Variants in HSPA4L observed in about 807,000 individuals in gnomAD.
The protein encoded by HSPA4L is heat shock 70 kDa protein 4L.
Under a neutral mutation model 100.3 loss-of-function variants are expected in HSPA4L, and 48 were observed. That is an observed-to-expected ratio of 0.48 (90% CI 0.38 to 0.61). The LOEUF (loss-of-function observed/expected upper bound fraction) is 0.61. Among genes scored for constraint, HSPA4L ranks in the 20% least tolerant of loss-of-function variants. HSPA4L has a pLI of 0.00. For missense variants in HSPA4L, 886 were observed against 988.6 expected, an observed-to-expected ratio of 0.90 and a Z score of 1.39; for synonymous variants, 319 against 328.2, an observed-to-expected ratio of 0.97 and a Z score of 0.30.
intron 3 of HSPA4L, among the ~76,000 whole-genome samples, chr4:127,798,358 A>G (rs1349842017): frequency 6.6e-6 from 1 of 152,186 alleles, no homozygotes; most frequent in Non-Finnish European, 1.5e-5. Flanking sequence ...ACTTTTGAAA[A>G]TACTTTGGTT....
At chr4:127,785,688 C>T (rs372286817) in intron 1 of HSPA4L, among the ~76,000 whole-genome samples, 9 of 152,202 alleles carry the variant, frequency 5.9e-5, no homozygotes, top group African/African-American at 1.4e-4. Flanking sequence ...CCACCCGCCT[C>T]GGCCTCCCAA....
At chr4:127,816,303 C>G (rs978761950) in intron 12 of HSPA4L, among the ~76,000 whole-genome samples, 1 of 152,158 alleles carries the variant, frequency 6.6e-6, no homozygotes, top group African/African-American at 2.4e-5. Context: ...GATAATATTT[C>G]TATAAACATC....
intron 1 of HSPA4L, 42 bp downstream of exon 1, chr4:127,782,699 T>C: frequency 1.4e-6 from 2 of 1,408,550 alleles, no homozygotes; most frequent in Non-Finnish European, 2.0e-6. Flanking sequence ...CTAAGAAACG[T>C]TTTTCTCTCC....
intron 12 of HSPA4L, among the ~76,000 whole-genome samples, chr4:127,812,265 C>G (rs1452259687): frequency 3.3e-5 from 5 of 151,676 alleles, no homozygotes; most frequent in Non-Finnish European, 7.4e-5. Flanking sequence ...AAAAATTAGC[C>G]GGGCGTGGTG....
intron 18 of HSPA4L, among the ~76,000 whole-genome samples, chr4:127,831,250 A>C (rs1434778700): frequency 4.6e-5 from 7 of 152,112 alleles, no homozygotes; most frequent in Non-Finnish European, 2.9e-5. Flanking sequence ...CTGTAATCCC[A>C]GCACTTTGGG....
chr4:127,811,313 A>ATGATCATATCCTGAT, intron 11 of HSPA4L, 124 bp from the exon 12 acceptor site: 2 of 691,416 alleles, frequency 2.9e-6, no homozygotes, highest in Non-Finnish European at 5.0e-6. Flanking sequence ...CAATCAGGAT[A>ATGATCATATCCTGAT]TGATCATAAT....
At chr4:127,830,517 G>A in intron 17 of HSPA4L, 121 bp from the exon 18 acceptor site, 1 of 648,596 alleles carries the variant, frequency 1.5e-6, no homozygotes, top group East Asian at 3.1e-5. Flanking sequence ...GGTTTCTTCA[G>A]ATGAGTACAT....
intron 2 of HSPA4L, 103 bp from the exon 3 acceptor site, chr4:127,795,665 G>A: frequency 2.9e-6 from 3 of 1,031,654 alleles, no homozygotes; most frequent in East Asian, 2.4e-5. Flanking sequence ...TCCTAAACTT[G>A]GATGTGTAGG....
At chr4:127,823,478 A>G (rs769855459) in intron 15 of HSPA4L, 39 bp from the exon 16 acceptor site, 6 of 1,391,952 alleles carry the variant, frequency 4.3e-6, no homozygotes, top group Middle Eastern at 1.8e-4. Context: ...ATTTCTAAGG[A>G]AAGTATTTTT....
intron 17 of HSPA4L, among the ~76,000 whole-genome samples, chr4:127,829,107 G>A (rs1283482732): frequency 6.6e-6 from 1 of 152,128 alleles, no homozygotes; most frequent in African/African-American, 2.4e-5. Flanking sequence ...TGTCAGAAAG[G>A]TGTACTAATA....
intron 9 of HSPA4L, 64 bp from the exon 10 acceptor site, chr4:127,805,623 T>G: frequency 1.6e-6 from 2 of 1,228,484 alleles, no homozygotes; most frequent in Non-Finnish European, 2.4e-6. Context: ...AGCAGTTCAA[T>G]CAGAGTAACC....
intron 17 of HSPA4L, among the ~76,000 whole-genome samples, 194 bp from the exon 18 acceptor site, chr4:127,830,444 T>C (rs1734049787): frequency 6.6e-6 from 1 of 152,190 alleles, no homozygotes; most frequent in African/African-American, 2.4e-5. Flanking sequence ...AGCCTTTCCT[T>C]TTTAAACTCA....
At chr4:127,820,766 GA>G (rs1414865368) in intron 14 of HSPA4L, among the ~76,000 whole-genome samples, 1 of 152,042 alleles carries the variant, frequency 6.6e-6, no homozygotes, top group Non-Finnish European at 1.5e-5. Flanking sequence ...TTAGTTGTGT[GA>G]AAAACATGTA....
chr4:127,790,372 A>G (rs1338475373), intron 1 of HSPA4L, among the ~76,000 whole-genome samples: 10 of 152,340 alleles, frequency 6.6e-5, no homozygotes, highest in Admixed American at 2.0e-4. Context: ...ATTTTCTCTA[A>G]TAGATGAGTT....
chr4:127,820,566 G>T lies in HSPA4L; in HGVS notation c.1812+1G>T. 6.3e-7 allele frequency: 1 copy of T among 1,596,118 alleles called. No homozygotes were observed. The highest frequency in any genetic ancestry group is 8.5e-7 in the Non-Finnish European group (1 of 1,173,812). On this transcript the variant is annotated splice_donor_variant, in intron 14 of 18. Transcript: ENST00000296464. LOFTEE classifies it high-confidence loss of function. ...TCTCAACAGCTACATTGAAAATGAG[G>T]TATGTAAATCTGAGTTGATGCTGAA...
At chr4:127,793,347 A>C (rs1006737411) in intron 1 of HSPA4L, among the ~76,000 whole-genome samples, 2 of 152,096 alleles carry the variant, frequency 1.3e-5, no homozygotes, top group South Asian at 4.1e-4. Context: ...TCAATAGACT[A>C]TACATTCTCC....
Position 127,840,516 on chromosome 4 carries a change from TAGGA to T in HSPA4L, c.*7644_*7647del, listed in dbSNP as rs1473744740. 1 of 152,184 alleles carries T rather than the reference TAGGA, an allele frequency of 6.6e-6. No homozygotes were observed. Among genetic ancestry groups the T allele is most frequent in the Non-Finnish European group, 1.5e-5 (1 of 68,032 alleles). The allele number at this position is 152,184 out of a possible 1,614,324, so 9.4% of individuals were successfully genotyped here. ...GGTTTATGATCTTAAGTTGGTAACA[TAGGA>T]ATATGTATTTGTCAATTTTAGTTCA... On this transcript the variant is annotated 3_prime_UTR_variant, in exon 19 of 19. Coordinates refer to ENST00000296464, the MANE Select transcript of HSPA4L (RefSeq NM_014278.4).
upstream of HSPA4L, chr4:127,782,311 G>T: frequency 2.0e-6 from 1 of 502,426 alleles, no homozygotes; most frequent in African/African-American, 2.0e-5. Flanking sequence ...GGTTGGAGGC[G>T]GCCGAACCGC....
rs949419177 is a variant in HSPA4L at position 127,833,112 on chromosome 4, T to C, written c.*238T>C. 5.7e-6 allele frequency: 2 copies of C among 349,168 alleles called. No individual in the cohort carries two copies. Among genetic ancestry groups the C allele is most frequent in the Admixed American group, 4.7e-5 (1 of 21,212 alleles). The allele number at this position is 349,168 out of a possible 1,614,324, so 21.6% of individuals were successfully genotyped here. On this transcript the variant is annotated 3_prime_UTR_variant, in exon 19 of 19. Transcript: ENST00000296464. Reference sequence around the variant, plus strand: ...ACAATCTAAGCTTTCCGGATAATTTTATATATCAAACATACAGGATGGATA... The same window carrying C: ...ACAATCTAAGCTTTCCGGATAATTTCATATATCAAACATACAGGATGGATA...
Sources: gnomAD v4.1 joint callset for allele counts (sites outside exome capture counted in the v4.1 genomes callset) on GRCh38, gnomAD v4.1.1 for gene constraint, MANE v1.5 for transcripts, NCBI Gene and HGNC (gene_info 2026-07-23, HGNC 2026-07-21) for gene names.